ASIC2: variants seen among roughly 807,000 people sequenced by gnomAD.
ASIC2 encodes the protein acid-sensing ion channel 2.
Under a neutral mutation model 57.3 loss-of-function variants are expected in ASIC2, and 25 were observed. That is an observed-to-expected ratio of 0.44 (90% CI 0.32 to 0.61). The LOEUF is 0.61. ASIC2 is among the 20% of genes least tolerant of loss of function. ASIC2 has a pLI of 0.06. For missense variants in ASIC2, 641 were observed against 738.1 expected (o/e 0.87, Z 1.52); for synonymous variants, 319 against 307.5 (o/e 1.04, Z -0.39).
At chr17:33,612,244 G>A (rs1284749456) in intron 1 of ASIC2, among the ~76,000 whole-genome samples, 4 of 152,108 alleles carry the variant, frequency 2.6e-5, no homozygotes, top group Non-Finnish European at 5.9e-5. Context: ...AATAATGTTT[G>A]ACCAAATATC....
chr17:33,608,168 T>C (rs1385807296), intron 1 of ASIC2, among the ~76,000 whole-genome samples: 2 of 152,150 alleles, frequency 1.3e-5, no homozygotes, highest in Non-Finnish European at 2.9e-5. Flanking sequence ...CCCATGAGAA[T>C]GGCGTTACAT....
At chr17:33,428,474 C>T (rs1911293359) in intron 1 of ASIC2, among the ~76,000 whole-genome samples, 1 of 152,182 alleles carries the variant, frequency 6.6e-6, no homozygotes, top group East Asian at 1.9e-4. Context: ...GTGAGTTCTA[C>T]TCTGGGATAA....
intron 1 of ASIC2, chr17:34,039,778 C>CTAT: frequency 6.2e-7 from 1 of 1,611,690 alleles, no homozygotes; most frequent in Non-Finnish European, 8.5e-7. Flanking sequence ...GGAAGACTCA[C>CTAT]TATTAAGTGG....
At chr17:33,702,590 T>C (rs944398412) in intron 1 of ASIC2, among the ~76,000 whole-genome samples, 4 of 152,146 alleles carry the variant, frequency 2.6e-5, no homozygotes, top group Non-Finnish European at 4.4e-5. Context: ...GAGGGAGGAA[T>C]TAGGGAGATC....
At chr17:33,952,088 C>T (rs1405277772) in intron 1 of ASIC2, among the ~76,000 whole-genome samples, 1 of 152,006 alleles carries the variant, frequency 6.6e-6, no homozygotes. Flanking sequence ...GAAATAGACC[C>T]CATGATATCT....
rs1196674605 is a variant in ASIC2 at position 33,088,937 on chromosome 17, G to A, written c.913C>T (p.Pro305Ser). 2 of 1,614,022 alleles carry A rather than the reference G, an allele frequency of 1.2e-6. No homozygotes were observed. Among genetic ancestry groups the A allele is most frequent in the Non-Finnish European group, 1.7e-6 (2 of 1,179,998 alleles). The change falls in exon 3 of 10, where the codon CCA becomes TCA. Residue 305 changes from proline (P) to serine (S), a missense_variant. Pro to Ser is a moderately conservative substitution (Grantham distance 74). Around this residue, in one of 3 missense-constraint regions of ASIC2, gnomAD observed 252 missense variants for 319.8 expected, o/e 0.79. Transcript: ENST00000225823. ...AAGCCCAGCTCTTGGATGAAAGGTG[G>A]CTCAGACTGACTGTGGATCTGAACT... ...VKVQIHSQSE[P>S]PFIQELGFGV...
intron 1 of ASIC2, among the ~76,000 whole-genome samples, chr17:33,740,925 G>A (rs1241604800): frequency 6.6e-6 from 1 of 152,152 alleles, no homozygotes; most frequent in African/African-American, 2.4e-5. Flanking sequence ...ATAGTAAGGG[G>A]CAAGGAAATT....
At chr17:33,100,750 A>C (rs1368525585) in intron 2 of ASIC2, among the ~76,000 whole-genome samples, 1 of 152,200 alleles carries the variant, frequency 6.6e-6, no homozygotes, top group Non-Finnish European at 1.5e-5. Flanking sequence ...CCTGGCACAC[A>C]GTAGGTATGC....
intron 1 of ASIC2, among the ~76,000 whole-genome samples, chr17:34,054,572 C>T (rs1230088804): frequency 6.6e-6 from 1 of 152,216 alleles, no homozygotes; most frequent in Admixed American, 6.5e-5. Flanking sequence ...CCAATTCACA[C>T]ATACACATTT....
At chr17:33,895,546 C>A (rs1915076101) in intron 1 of ASIC2, among the ~76,000 whole-genome samples, 1 of 152,202 alleles carries the variant, frequency 6.6e-6, no homozygotes, top group Non-Finnish European at 1.5e-5. Flanking sequence ...CGGACTGAGA[C>A]CTCCATGCAT....
intron 1 of ASIC2, among the ~76,000 whole-genome samples, chr17:34,122,628 C>T (rs986813863): frequency 6.6e-6 from 1 of 152,236 alleles, no homozygotes; most frequent in African/African-American, 2.4e-5. Context: ...GCTATTTTAT[C>T]TTCTCAGAGC....
chr17:33,490,692 T>C (rs1188348456), intron 1 of ASIC2, among the ~76,000 whole-genome samples: 1 of 152,242 alleles, frequency 6.6e-6, no homozygotes, highest in Non-Finnish European at 1.5e-5. Context: ...CACGTGGAAC[T>C]GTGAGTCAAT....
chr17:33,024,046 G>A lies in ASIC2; in HGVS notation c.1196-32C>T, dbSNP rs574838264. 2.1e-5 allele frequency: 34 copies of A among 1,612,778 alleles called. No individual in the cohort carries two copies. The South Asian group carries it at 2.5e-4, about 12-fold the overall frequency. On this transcript the variant is annotated intron_variant, in intron 5 of 9. Coordinates refer to ENST00000225823, the MANE Select transcript of ASIC2 (RefSeq NM_183377.2). ...GGGAGAGTGAGGTGGGGCTTAGTCA[G>A]GTGTGGGCACTGGGATTTCTAAGGG...
intron 1 of ASIC2, among the ~76,000 whole-genome samples, chr17:33,112,417 C>T (rs1199980660): frequency 6.6e-6 from 1 of 152,150 alleles, no homozygotes; most frequent in Admixed American, 6.5e-5. Flanking sequence ...CCTGGGCTCT[C>T]TTCTGGCCTC....
chr17:33,342,504 T>C (rs574224756), intron 1 of ASIC2, among the ~76,000 whole-genome samples: 2 of 152,272 alleles, frequency 1.3e-5, no homozygotes, highest in South Asian at 4.2e-4. Flanking sequence ...TGTTTTCTAT[T>C]ACCTGATGTT....
At chr17:34,151,424 T>C (rs188717584) in intron 1 of ASIC2, among the ~76,000 whole-genome samples, 6 of 152,158 alleles carry the variant, frequency 3.9e-5, no homozygotes, top group Non-Finnish European at 8.8e-5. Flanking sequence ...GGAATAACCA[T>C]GCATGAAGCA....
At chr17:33,212,456 G>C (rs1454133044) in intron 1 of ASIC2, among the ~76,000 whole-genome samples, 1 of 152,204 alleles carries the variant, frequency 6.6e-6, no homozygotes, top group Non-Finnish European at 1.5e-5. Flanking sequence ...TTCAGAAGGG[G>C]CCAGCCCTGC....
intron 1 of ASIC2, among the ~76,000 whole-genome samples, chr17:34,060,088 C>G (rs1908916803): frequency 6.6e-6 from 1 of 152,210 alleles, no homozygotes; most frequent in African/African-American, 2.4e-5. Context: ...CTCACAGAGT[C>G]CATTGCACCA....
intron 1 of ASIC2, among the ~76,000 whole-genome samples, chr17:33,386,946 GTGTGTGTGTGTGTC>G (rs1567844302): frequency 6.6e-6 from 1 of 151,754 alleles, no homozygotes; most frequent in Non-Finnish European, 1.5e-5. Context: ...TCTTTGGGGT[GTGTGTGTGTGTGTC>G]TGTGTGTGTG....
Sources: allele counts gnomAD v4.1 joint callset (sites outside exome capture counted in the v4.1 genomes callset), GRCh38; gene constraint gnomAD v4.1.1; regional missense constraint gnomAD v4.1.1; transcripts MANE v1.5; gene names NCBI Gene and HGNC (gene_info 2026-07-23, HGNC 2026-07-21).